TOX: variants seen among roughly 807,000 people sequenced by gnomAD.
TOX encodes thymocyte selection associated high mobility group box, also known as thymocyte selection-associated high mobility group box protein TOX.
TOX carries 11 observed loss-of-function variants against 53.7 expected under a neutral mutation model. That is an observed-to-expected ratio of 0.20 (90% CI 0.13 to 0.34). The LOEUF (loss-of-function observed/expected upper bound fraction) is 0.34. Among genes scored for constraint, TOX ranks in the 10% least tolerant of loss-of-function variants. The probability of loss-of-function intolerance (pLI) is 1.00; values close to 1 mark genes in which losing one functional copy is unlikely to be tolerated. For missense variants in TOX, 570 were observed against 664.6 expected (o/e 0.86, Z 1.56); for synonymous variants, 225 against 245.3 (o/e 0.92, Z 0.77).
intron 3 of TOX, among the ~76,000 whole-genome samples, chr8:58,869,449 T>C (rs557105593): frequency 2.0e-4 from 30 of 152,186 alleles, no homozygotes; most frequent in African/African-American, 7.0e-4. Context: ...AAGTTACCAA[T>C]AAATATTTAA....
intron 7 of TOX, among the ~76,000 whole-genome samples, chr8:58,812,879 G>C (rs1277936706): frequency 1.3e-5 from 2 of 152,198 alleles, no homozygotes; most frequent in African/African-American, 4.8e-5. Flanking sequence ...CCTTCTAACA[G>C]TGAAACACTT....
At chr8:58,944,259 T>C (rs1423689086) in intron 2 of TOX, among the ~76,000 whole-genome samples, 2 of 152,156 alleles carry the variant, frequency 1.3e-5, no homozygotes, top group African/African-American at 4.8e-5. Context: ...TGAACTACCA[T>C]GAGGCATGGT....
At chr8:58,854,992 TGAC>T (rs893588388) in intron 3 of TOX, among the ~76,000 whole-genome samples, 2 of 152,202 alleles carry the variant, frequency 1.3e-5, no homozygotes, top group African/African-American at 4.8e-5. Flanking sequence ...AGATATTGAT[TGAC>T]TACAGCTCTG....
intron 1 of TOX, among the ~76,000 whole-genome samples, chr8:59,020,000 G>C (rs1814092423): frequency 6.6e-6 from 1 of 152,088 alleles, no homozygotes; most frequent in Admixed American, 6.6e-5. Flanking sequence ...GCACATAGTA[G>C]GTACTCAGCT....
chr8:59,044,996 C>T (rs1472512547), intron 1 of TOX, among the ~76,000 whole-genome samples: 1 of 152,242 alleles, frequency 6.6e-6, no homozygotes, highest in Non-Finnish European at 1.5e-5. Context: ...ATTTAACCTA[C>T]ACATATCATT....
At chr8:58,839,215 T>C (rs1487960582) in intron 4 of TOX, among the ~76,000 whole-genome samples, 2 of 152,256 alleles carry the variant, frequency 1.3e-5, no homozygotes, top group African/African-American at 4.8e-5. Flanking sequence ...ATTTGCACTA[T>C]TCTATATGGC....
intron 3 of TOX, among the ~76,000 whole-genome samples, chr8:58,862,256 C>T (rs1017758724): frequency 6.6e-6 from 1 of 152,092 alleles, no homozygotes; most frequent in East Asian, 1.9e-4. Context: ...TGTAAGTGAC[C>T]TTAAGCTCCT....
chr8:59,114,458 G>A (rs1292730728), intron 1 of TOX, among the ~76,000 whole-genome samples: 1 of 152,130 alleles, frequency 6.6e-6, no homozygotes, highest in Non-Finnish European at 1.5e-5. Flanking sequence ...AACCATGATT[G>A]CTTGGTTTAT....
chr8:58,899,832 C>A (rs570824075), intron 3 of TOX, among the ~76,000 whole-genome samples: 49 of 152,172 alleles, frequency 3.2e-4, no homozygotes, highest in Non-Finnish European at 5.3e-4. Flanking sequence ...AGCTAAATAT[C>A]CATACTGAAG....
chr8:58,851,463 C>T lies in TOX; in HGVS notation c.693+61G>A. 6.4e-7 allele frequency: 1 copy of T among 1,571,022 alleles called. No individual in the cohort carries two copies. Among genetic ancestry groups the T allele is most frequent in the Admixed American group, 1.7e-5 (1 of 58,968 alleles). The stretch of plus-strand genomic sequence containing the variant: ...GGATGATATAAACTTGTACCCAGCA[C>T]AGGTCAAAGAAGGTGCCTAAGAATA... On this transcript the variant is annotated intron_variant, in intron 4 of 8. Coordinates refer to ENST00000361421, the MANE Select transcript of TOX (RefSeq NM_014729.3). The surrounding 1 kb of genome is among the most constrained non-coding windows in gnomAD (Gnocchi z 4.4).
chr8:59,050,647 A>C (rs1468913567), intron 1 of TOX, among the ~76,000 whole-genome samples: 2 of 152,174 alleles, frequency 1.3e-5, no homozygotes, highest in Admixed American at 1.3e-4. Flanking sequence ...GTACTAATAC[A>C]AACACCTAAA....
intron 1 of TOX, among the ~76,000 whole-genome samples, chr8:58,986,131 G>A (rs1813324029): frequency 6.7e-6 from 1 of 150,176 alleles, no homozygotes; most frequent in Non-Finnish European, 1.5e-5. Context: ...TAGTACTTAA[G>A]GTCGTCACTT....
chr8:58,838,173 C>A lies in TOX; in HGVS notation c.832G>T (p.Ala278Ser). The change falls in exon 5 of 9, where the codon GCC becomes TCC. Residue 278 changes from alanine to serine, a missense_variant. Ala to Ser is a moderately conservative substitution (Grantham distance 99). Coordinates refer to ENST00000361421, the MANE Select transcript of TOX (RefSeq NM_014729.3). ...GCGTTTGGATTTTGGCCCTTGATGG[C>A]GGCCTGAGTATCACGAAAGAATAAC... ...YALFFRDTQAAIKGQNPNATF... is the reference protein window; with the variant it reads ...YALFFRDTQASIKGQNPNATF... 3 of 1,614,178 alleles carry A rather than the reference C, an allele frequency of 1.9e-6. No homozygotes were observed. The highest frequency in any genetic ancestry group is 1.3e-5 in the African/African-American group (1 of 75,048).
intron 7 of TOX, among the ~76,000 whole-genome samples, chr8:58,812,240 C>T (rs1810092464): frequency 6.6e-6 from 1 of 152,122 alleles, no homozygotes; most frequent in Non-Finnish European, 1.5e-5. Context: ...TGGTGGACTC[C>T]CTTTTTGATC....
intron 1 of TOX, among the ~76,000 whole-genome samples, chr8:59,083,639 C>A (rs1471502555): frequency 6.6e-6 from 1 of 152,096 alleles, no homozygotes; most frequent in Non-Finnish European, 1.5e-5. Context: ...GTTTCAACAT[C>A]ATGTCTCTCT....
At chr8:58,951,043 C>T (rs554774901) in intron 2 of TOX, among the ~76,000 whole-genome samples, 18 of 152,326 alleles carry the variant, frequency 1.2e-4, no homozygotes, top group Admixed American at 9.8e-4. Context: ...TATTCTCACA[C>T]ACGTAACACA....
chr8:58,853,944 T>C (rs572616380), intron 3 of TOX, among the ~76,000 whole-genome samples: 11 of 152,322 alleles, frequency 7.2e-5, no homozygotes, highest in South Asian at 6.2e-4. Flanking sequence ...TCAGGCCTAC[T>C]GTCAAATGTC....
intron 1 of TOX, among the ~76,000 whole-genome samples, chr8:59,046,858 CAAAAAAAAAAAAAA>C (rs34869193): frequency 3.9e-5 from 3 of 77,910 alleles, no homozygotes; most frequent in Non-Finnish European, 6.9e-5. Flanking sequence ...GACTATGTCT[CAAAAAAAAAAAAAA>C]AAAAAAAAAA....
At chr8:59,031,920 C>A (rs310372) in intron 1 of TOX, among the ~76,000 whole-genome samples, 2 of 152,134 alleles carry the variant, frequency 1.3e-5, no homozygotes, top group South Asian at 4.1e-4. Context: ...TTGGATTTTC[C>A]CCCTCAGTTC....
Sources: allele counts gnomAD v4.1 joint callset (sites outside exome capture counted in the v4.1 genomes callset), GRCh38; gene constraint gnomAD v4.1.1; non-coding constraint Gnocchi (gnomAD v3.1); transcripts MANE v1.5; gene names NCBI Gene and HGNC (gene_info 2026-07-23, HGNC 2026-07-21).